Variants in CHCHD6 observed in about 807,000 individuals in gnomAD.
CHCHD6 encodes the protein coiled-coil-helix-coiled-coil-helix domain containing 6, also known as MICOS complex subunit MIC25.
In CHCHD6, 28 loss-of-function variants were observed where a neutral mutation model predicts 32.3. The ratio of observed to expected loss-of-function variants is 0.87; its 90% confidence interval spans 0.64 to 1.19. The LOEUF (loss-of-function observed/expected upper bound fraction) is 1.19, where lower values mean the gene tolerates loss of function less well. Ranked by LOEUF, CHCHD6 falls within the 50% of genes most tolerant of loss-of-function variation. CHCHD6 has a pLI of 0.00. For missense variants in CHCHD6, 333 were observed against 307.0 expected (o/e 1.08, Z -0.63); for synonymous variants, 122 against 117.5 (o/e 1.04, Z -0.25).
At chr3:126,715,069 G>A (rs181562791) in intron 1 of CHCHD6, among the ~76,000 whole-genome samples, 215 of 152,172 alleles carry the variant, frequency 1.4e-3, no homozygotes, top group African/African-American at 5.0e-3. Context: ...GTGGGTATAC[G>A]GATGCTCTGC....
At position 126,744,958 on chromosome 3, in the gene CHCHD6, G is replaced by T. The variant is rs1936432602; in HGVS notation, c.411+11736G>T. On this transcript the variant is annotated intron_variant, in intron 4 of 7. Transcript: ENST00000290913. ...CAGTGCAGCTCTCCTCGTGGTGGCAGAGGGCTGCTGTGCCTTCAGCCATCA... is the reference window on the plus strand; with the variant it reads ...CAGTGCAGCTCTCCTCGTGGTGGCATAGGGCTGCTGTGCCTTCAGCCATCA... 2.0e-5 allele frequency among the ~76,000 whole-genome samples: 3 copies of T among 152,352 alleles called. No individual in the cohort carries two copies. In the South Asian group the frequency reaches 6.2e-4, roughly 32 times the overall value.
intron 6 of CHCHD6, among the ~76,000 whole-genome samples, chr3:126,955,382 C>T (rs1483012269): frequency 6.6e-6 from 1 of 152,226 alleles, no homozygotes; most frequent in Non-Finnish European, 1.5e-5. Context: ...CAGATAAAAC[C>T]CCCCCCACCC....
rs570643311 is a variant in CHCHD6, at chr3:126,766,440, G to C, written c.411+33218G>C. The C allele has an allele frequency of 2.1e-5, 14 of 655,502 alleles. No individual in the cohort carries two copies. The East Asian group carries it at 3.5e-4, about 16-fold the overall frequency. 40.6% of individuals were successfully genotyped at this position (655,502 alleles called of 1,614,324 possible). A position where few individuals can be genotyped will look rare whatever the true frequency, so the allele number is the denominator to read the frequency against. ...GGAGAAGTCTCTGGGAGCATCAAAG[G>C]GTTTGGCGGTTGTATTCTGGTAGTT... On this transcript the variant is annotated intron_variant, in intron 4 of 7. Transcript: ENST00000290913.
chr3:126,805,606 C>T (rs1252352018), intron 4 of CHCHD6, among the ~76,000 whole-genome samples: 5 of 152,068 alleles, frequency 3.3e-5, no homozygotes, highest in African/African-American at 7.2e-5. Context: ...GAATCAATAT[C>T]GTGAAAATGG....
intron 5 of CHCHD6, among the ~76,000 whole-genome samples, chr3:126,853,409 C>T (rs994729324): frequency 6.6e-6 from 1 of 151,970 alleles, no homozygotes; most frequent in Non-Finnish European, 1.5e-5. Flanking sequence ...AAAATTGTTC[C>T]CCCTCATGCC....
intron 5 of CHCHD6, among the ~76,000 whole-genome samples, chr3:126,872,361 C>T (rs759178875): frequency 6.6e-6 from 1 of 152,134 alleles, no homozygotes; most frequent in Non-Finnish European, 1.5e-5. Context: ...CATTGTGAAA[C>T]TCTGCTCTAT....
intron 1 of CHCHD6, among the ~76,000 whole-genome samples, chr3:126,725,080 T>A (rs1309028364): frequency 6.6e-6 from 1 of 152,242 alleles, no homozygotes; most frequent in African/African-American, 2.4e-5. Context: ...TCATGAATGT[T>A]CTTAATGGCA....
intron 4 of CHCHD6, among the ~76,000 whole-genome samples, chr3:126,835,886 A>G (rs992009432): frequency 6.6e-6 from 1 of 152,240 alleles, no homozygotes; most frequent in African/African-American, 2.4e-5. Flanking sequence ...GTGTTCAGCT[A>G]GAAAATCGCA....
intron 4 of CHCHD6, among the ~76,000 whole-genome samples, chr3:126,787,185 T>A (rs2107683791): frequency 6.6e-6 from 1 of 152,328 alleles, no homozygotes; most frequent in Non-Finnish European, 1.5e-5. Context: ...TTGGTCTGTA[T>A]CTCTGTTTTG....
chr3:126,884,872 C>T (rs544915968), intron 5 of CHCHD6, among the ~76,000 whole-genome samples: 1 of 152,312 alleles, frequency 6.6e-6, no homozygotes, highest in East Asian at 1.9e-4. Context: ...TTCTCTGGGG[C>T]ATGGATCTGC....
At chr3:126,787,292 T>G (rs1186567824) in intron 4 of CHCHD6, among the ~76,000 whole-genome samples, 3 of 152,204 alleles carry the variant, frequency 2.0e-5, no homozygotes, top group Non-Finnish European at 2.9e-5. Flanking sequence ...GGCTTAGGAT[T>G]GACTTGGCAA....
At chr3:126,797,594 T>G (rs1002658442) in intron 4 of CHCHD6, among the ~76,000 whole-genome samples, 34 of 151,978 alleles carry the variant, frequency 2.2e-4, no homozygotes, top group African/African-American at 8.0e-4. Flanking sequence ...TTCAAATGTA[T>G]TTTTTTTAAT....
intron 6 of CHCHD6, among the ~76,000 whole-genome samples, chr3:126,954,721 C>T (rs2078759917): frequency 6.6e-6 from 1 of 151,734 alleles, no homozygotes; most frequent in Non-Finnish European, 1.5e-5. Context: ...GGTCCTGCTT[C>T]AGGGGAGTGC....
At chr3:126,924,172 T>C (rs1456746762) in intron 6 of CHCHD6, among the ~76,000 whole-genome samples, 2 of 152,084 alleles carry the variant, frequency 1.3e-5, no homozygotes, top group Non-Finnish European at 2.9e-5. Context: ...AGACCTCTGG[T>C]TGGGGAAAAA....
At chr3:126,884,220 G>A (rs2077649844) in intron 5 of CHCHD6, among the ~76,000 whole-genome samples, 1 of 152,188 alleles carries the variant, frequency 6.6e-6, no homozygotes, top group Admixed American at 6.5e-5. Context: ...AGCACTTGGG[G>A]ATGGCATACA....
intron 3 of CHCHD6, 146 bp downstream of exon 3, chr3:126,730,776 A>G: frequency 1.6e-6 from 1 of 623,144 alleles, no homozygotes; most frequent in South Asian, 2.1e-5. Flanking sequence ...ACCCTATGGT[A>G]TAGGTATCAC....
chr3:126,743,726 G>A (rs556288159), intron 4 of CHCHD6, among the ~76,000 whole-genome samples: 1 of 152,208 alleles, frequency 6.6e-6, no homozygotes, highest in Non-Finnish European at 1.5e-5. Context: ...TGCACCAACT[G>A]GAGGGGTGAT....
chr3:126,716,687 G>A (rs544792752), intron 1 of CHCHD6, among the ~76,000 whole-genome samples: 14 of 152,168 alleles, frequency 9.2e-5, no homozygotes, highest in Admixed American at 7.8e-4. Flanking sequence ...GAATCCCTGC[G>A]CCTGTGGAGC....
In CHCHD6 at chr3:126,831,522, A is replaced by G. The variant is rs562468026; in HGVS notation, c.412-21125A>G. The stretch of plus-strand genomic sequence containing the variant: ...TTTCATCTATCTCAGTGCCCACAAC[A>G]CCTTGTACACAGCAGGGCTCAGCAG... On this transcript the variant is annotated intron_variant, in intron 4 of 7. Transcript: ENST00000290913. Among the ~76,000 whole-genome samples, 7 of 152,104 alleles carry G rather than the reference A, an allele frequency of 4.6e-5. No individual in the cohort carries two copies. The South Asian group carries it at 1.2e-3, about 27-fold the overall frequency.
Sources: allele counts gnomAD v4.1 joint callset (sites outside exome capture counted in the v4.1 genomes callset), GRCh38; gene constraint gnomAD v4.1.1; transcripts MANE v1.5; gene names NCBI Gene and HGNC (gene_info 2026-07-23, HGNC 2026-07-21).